COPS7A: variants seen among roughly 807,000 people sequenced by gnomAD.
The protein encoded by COPS7A is COP9 signalosome subunit 7A, also known as COP9 signalosome complex subunit 7a.
In COPS7A, 20 loss-of-function variants were observed where a neutral mutation model predicts 35.2. The ratio of observed to expected loss-of-function variants is 0.57; its 90% CI spans 0.40 to 0.83. The LOEUF is 0.83. Among genes scored for constraint, COPS7A ranks in the 40% least tolerant of loss-of-function variants. The pLI is 0.00. For synonymous variants in COPS7A, 139 were observed against 141.4 expected (o/e 0.98, Z 0.12); for missense variants, 247 against 347.5 (o/e 0.71, Z 2.30).
intron 2 of COPS7A, among the ~76,000 whole-genome samples, chr12:6,725,280 C>T (rs912629956): frequency 2.0e-5 from 3 of 151,964 alleles, no homozygotes; most frequent in Non-Finnish European, 2.9e-5. Context: ...CCTCAGCCTC[C>T]TCAGTAGCTG....
chr12:6,731,363 G>T lies in COPS7A; in HGVS notation c.*324G>T, dbSNP rs1032301182. The T allele has an allele frequency of 2.9e-6, 4 of 1,380,286 alleles. No homozygotes were observed. The Admixed American group carries it at 9.1e-5, about 31-fold the overall frequency. The allele number at this position is 1,380,286 out of a possible 1,614,324, so 85.5% of individuals were successfully genotyped here. On this transcript the variant is annotated 3_prime_UTR_variant, in exon 8 of 8. Transcript: ENST00000543155. ...TGAGTAGGTGGGTAGCCCTGATGGG[G>T]GTCGCTCTGTCTGGAGCATAACCCA...
intron 2 of COPS7A, among the ~76,000 whole-genome samples, chr12:6,727,224 C>G (rs939278278): frequency 1.3e-5 from 2 of 151,354 alleles, no homozygotes; most frequent in Middle Eastern, 3.2e-3. Context: ...GTAATCCCAC[C>G]TGCTTGGGAG....
At chr12:6,725,428 A>G (rs1407514876) in intron 2 of COPS7A, among the ~76,000 whole-genome samples, 3 of 152,104 alleles carry the variant, frequency 2.0e-5, no homozygotes. Flanking sequence ...AGGTGCTGGG[A>G]TTACAGGCTT....
At position 6,730,985 on chromosome 12, in the gene COPS7A, T is replaced by C; in HGVS notation, c.789-15T>C. ...TTCTCTCTCTCTCTCTCTTTCTCTC[T>C]CTTCTCCTTGCCAGGCTCCGAGGGA... On this transcript the variant is annotated splice_polypyrimidine_tract_variant and intron_variant, in intron 7 of 7. Coordinates refer to ENST00000543155, the MANE Select transcript of COPS7A (RefSeq NM_001164094.2). 4 of 1,611,450 alleles carry C rather than the reference T, an allele frequency of 2.5e-6. No homozygotes were observed. Among genetic ancestry groups the C allele is most frequent in the East Asian group, 2.2e-5 (1 of 44,808 alleles).
At chr12:6,728,392 C>A in intron 4 of COPS7A, 81 bp downstream of exon 4, 3 of 1,240,746 alleles carry the variant, frequency 2.4e-6, no homozygotes, top group Non-Finnish European at 3.5e-6. Flanking sequence ...CAGCCCTTGT[C>A]TAGACCGTGG....
Position 6,729,029 on chromosome 12 carries a change from T to G in COPS7A, c.328-218T>G. 1 of 558,362 alleles carries G rather than the reference T, an allele frequency of 1.8e-6. No individual in the cohort carries two copies. 34.6% of individuals were successfully genotyped at this position (558,362 alleles called of 1,614,324 possible). ...AGGGGTGAGGGTGTTAGGGGAGCAT[T>G]TTGTATTTTATTTAAGATTGTCCTT... On this transcript the variant is annotated intron_variant, in intron 4 of 7. Transcript: ENST00000543155. The surrounding 1 kb of genome is among the most constrained non-coding windows in gnomAD (Gnocchi z 4.2).
At position 6,731,231 on chromosome 12, in the gene COPS7A, T is replaced by A. The variant is rs1428959212; in HGVS notation, c.*192T>A. On this transcript the variant is annotated 3_prime_UTR_variant, in exon 8 of 8. Coordinates refer to ENST00000543155, the MANE Select transcript of COPS7A (RefSeq NM_001164094.2). ...CAAATGTAGGTCATGTTTTTGTTGG[T>A]ACTTTCTGTTTTTTGTGACTTCATG... 10 of 1,472,716 alleles carry A rather than the reference T, an allele frequency of 6.8e-6. No homozygotes were observed. Among genetic ancestry groups the A allele is most frequent in the Non-Finnish European group, 7.2e-6 (8 of 1,113,028 alleles). 91.2% of individuals were successfully genotyped at this position (1,472,716 alleles called of 1,614,324 possible).
intron 4 of COPS7A, among the ~76,000 whole-genome samples, chr12:6,728,724 C>T (rs1200551453): frequency 6.6e-6 from 1 of 152,180 alleles, no homozygotes; most frequent in Admixed American, 6.5e-5. Context: ...CACCACCCAC[C>T]TCCCCAGCCT....
intron 2 of COPS7A, among the ~76,000 whole-genome samples, chr12:6,725,218 G>T (rs1465849615): frequency 6.6e-6 from 1 of 150,380 alleles, no homozygotes; most frequent in Admixed American, 6.6e-5. Context: ...GTGCAGTGGC[G>T]TGATCTCAGC....
intron 2 of COPS7A, chr12:6,725,924 C>G: frequency 2.2e-6 from 1 of 455,736 alleles, no homozygotes; most frequent in Non-Finnish European, 4.4e-6. Context: ...GGTGCGGTGG[C>G]TCATGCCTGT....
At position 6,730,426 on chromosome 12, in the gene COPS7A, G is replaced by C. The variant is rs768507760; in HGVS notation, c.555G>C (p.Leu185=). ...QEWCVGCEVV[L]SGIEEQVSRA... is the part of the protein sequence containing the mutation. ...GGTGTGTGGGCTGTGAGGTCGTGCT[G>C]TCAGGCATTGAGGAGCAGGTGAGCC... Residue 185 remains leucine, a synonymous_variant, in exon 6 of 8, where the codon CTG becomes CTC. Transcript: ENST00000543155. 1 of 1,614,136 alleles carries C rather than the reference G, an allele frequency of 6.2e-7. No individual in the cohort carries two copies. The highest frequency in any genetic ancestry group is 8.5e-7 in the Non-Finnish European group (1 of 1,180,030).
rs1941393035 is a variant in COPS7A at position 6,731,385 on chromosome 12, C to T, written c.*346C>T. 7.8e-7 allele frequency: 1 copy of T among 1,274,578 alleles called. No individual in the cohort carries two copies. 79.0% of individuals were successfully genotyped at this position (1,274,578 alleles called of 1,614,324 possible). ...GGGGGTCGCTCTGTCTGGAGCATAA[C>T]CCACAGGCGTTTTTTCTGCCACCCC... is the stretch of plus-strand genomic sequence containing the variant. On this transcript the variant is annotated 3_prime_UTR_variant, in exon 8 of 8. Coordinates refer to ENST00000543155, the MANE Select transcript of COPS7A (RefSeq NM_001164094.2).
At chr12:6,730,978 T>C (rs1045775625) in intron 7 of COPS7A, 22 bp from the exon 8 acceptor site, 4 of 1,601,218 alleles carry the variant, frequency 2.5e-6, no homozygotes, top group African/African-American at 1.3e-5. Flanking sequence ...CTCTCTCTCT[T>C]TCTCTCTCTT....
rs531759149 is a variant in COPS7A, at chr12:6,729,603, T to G, written c.530+154T>G. Among the ~76,000 whole-genome samples the G allele has an allele frequency of 6.6e-6, 1 of 152,252 alleles. No homozygotes were observed. The highest frequency in any genetic ancestry group is 6.5e-5 in the Admixed American group (1 of 15,286). On this transcript the variant is annotated intron_variant, in intron 5 of 7. Coordinates refer to ENST00000543155, the MANE Select transcript of COPS7A (RefSeq NM_001164094.2). The surrounding 1 kb of genome is among the most constrained non-coding windows in gnomAD (Gnocchi z 4.2). The stretch of plus-strand genomic sequence containing the variant: ...CATCCCTCCAAAGGCTTCTGGGGAA[T>G]GCAGGAGTAGGGGAGGCCCTGGGAG...
intron 2 of COPS7A, chr12:6,725,520 A>T (rs1188330371): frequency 2.3e-6 from 1 of 435,750 alleles, no homozygotes; most frequent in African/African-American, 2.0e-5. Flanking sequence ...AAGTGAGATT[A>T]TGGGAAAGTG....
Position 6,731,128 on chromosome 12 carries a change from C to A in COPS7A, c.*89C>A. ...CTCAGAGAGCCTTCTGTGCCCCTGG[C>A]CAGCTGATAATCCTAGGTTCATGAC... On this transcript the variant is annotated 3_prime_UTR_variant, in exon 8 of 8. Coordinates refer to ENST00000543155, the MANE Select transcript of COPS7A (RefSeq NM_001164094.2). The A allele has an allele frequency of 6.2e-7, 1 of 1,612,220 alleles. No individual in the cohort carries two copies. The highest frequency in any genetic ancestry group is 8.5e-7 in the Non-Finnish European group (1 of 1,179,282).
At chr12:6,728,392 C>T (rs1941309787) in intron 4 of COPS7A, 81 bp downstream of exon 4, 1 of 1,240,626 alleles carries the variant, frequency 8.1e-7, no homozygotes, top group African/African-American at 1.5e-5. Flanking sequence ...CAGCCCTTGT[C>T]TAGACCGTGG....
At chr12:6,730,956 T>C (rs1007935764) in intron 7 of COPS7A, 44 bp from the exon 8 acceptor site, 11 of 1,591,490 alleles carry the variant, frequency 6.9e-6, no homozygotes, top group Non-Finnish European at 9.5e-6. Context: ...GGGGATTCCC[T>C]GCATTCTCTC....
rs759813713 is a variant in COPS7A, at chr12:6,728,434, G to A, written c.327+123G>A. On this transcript the variant is annotated intron_variant, in intron 4 of 7. Coordinates refer to ENST00000543155, the MANE Select transcript of COPS7A (RefSeq NM_001164094.2). ...CCTGCCCTCCCCTCCTCCAAGGTCT[G>A]TATATAAACTCCATTAGCAACTGTT... is the stretch of plus-strand genomic sequence containing the variant. 4 of 651,164 alleles carry A rather than the reference G, an allele frequency of 6.1e-6. No homozygotes were observed. The African/African-American group carries it at 7.3e-5, about 12-fold the overall frequency. 40.3% of individuals were successfully genotyped at this position (651,164 alleles called of 1,614,324 possible).
Sources: allele counts gnomAD v4.1 joint callset (sites outside exome capture counted in the v4.1 genomes callset), GRCh38; gene constraint gnomAD v4.1.1; non-coding constraint Gnocchi (gnomAD v3.1); transcripts MANE v1.5; gene names NCBI Gene and HGNC (gene_info 2026-07-23, HGNC 2026-07-21).